Variants in RYR3 observed in about 807,000 individuals in gnomAD.
The protein encoded by RYR3 is brain ryanodine receptor-calcium release channel.
In RYR3, 207 loss-of-function variants were observed where a neutral mutation model predicts 584.3. The ratio of observed to expected loss-of-function variants is 0.35; its 90% CI spans 0.32 to 0.40. The LOEUF (loss-of-function observed/expected upper bound fraction) is 0.40, where lower values mean the gene tolerates loss of function less well. Ranked by LOEUF, RYR3 falls within the 10% of genes least tolerant of loss-of-function variation. The pLI is 1.00. For missense variants in RYR3, 5,616 were observed against 6,089.2 expected (o/e 0.92, Z 2.59); for synonymous variants, 2,416 against 2,248.5 (o/e 1.07, Z -2.11).
At position 33,508,995 on chromosome 15, in the gene RYR3, A is replaced by G. The variant is rs1489202510; in HGVS notation, c.279+5257A>G. Among the ~76,000 whole-genome samples the G allele has an allele frequency of 3.3e-5, 5 of 152,174 alleles. No homozygotes were observed. The East Asian group carries it at 9.6e-4, about 29-fold the overall frequency. ...GGCCAGTGAAGCGTAAACATACATT[A>G]TGCTATATCCGTGTAAAGGTCCTTA... On this transcript the variant is annotated intron_variant, in intron 3 of 103. Coordinates refer to ENST00000634891, the MANE Select transcript of RYR3 (RefSeq NM_001036.6).
intron 1 of RYR3, among the ~76,000 whole-genome samples, chr15:33,347,268 A>G (rs1039307267): frequency 6.6e-6 from 1 of 152,134 alleles, no homozygotes; most frequent in African/African-American, 2.4e-5. Context: ...ATCCGCATAA[A>G]TGATTTGGAA....
At chr15:33,512,587 G>T (rs1283425686) in intron 3 of RYR3, among the ~76,000 whole-genome samples, 1 of 152,186 alleles carries the variant, frequency 6.6e-6, no homozygotes, top group Non-Finnish European at 1.5e-5. Flanking sequence ...ATGCCTGTCT[G>T]ATCCTGGCGG....
chr15:33,447,011 C>G (rs2141934851), intron 1 of RYR3, among the ~76,000 whole-genome samples: 1 of 152,320 alleles, frequency 6.6e-6, no homozygotes, highest in East Asian at 1.9e-4. Context: ...TGCGTCTCAC[C>G]CTGCACCACA....
intron 62 of RYR3, among the ~76,000 whole-genome samples, chr15:33,769,388 A>G (rs908720705): frequency 6.6e-6 from 1 of 152,254 alleles, no homozygotes; most frequent in African/African-American, 2.4e-5. Context: ...AGGCCTGATC[A>G]ATTCTTATCT....
At chr15:33,448,755 C>T (rs927597351) in intron 1 of RYR3, among the ~76,000 whole-genome samples, 11 of 152,126 alleles carry the variant, frequency 7.2e-5, no homozygotes, top group South Asian at 2.1e-4. Context: ...TTTTGGGAAG[C>T]GGATTCTGGC....
At chr15:33,497,185 C>G (rs2051515413) in intron 2 of RYR3, among the ~76,000 whole-genome samples, 1 of 152,172 alleles carries the variant, frequency 6.6e-6, no homozygotes, top group Non-Finnish European at 1.5e-5. Flanking sequence ...CTGACATCTG[C>G]AGAGATACCC....
At chr15:33,653,289 C>T (rs994460509) in intron 32 of RYR3, among the ~76,000 whole-genome samples, 3 of 152,084 alleles carry the variant, frequency 2.0e-5, no homozygotes, top group Admixed American at 1.3e-4. Flanking sequence ...AAAATAGAAA[C>T]CTATAAAAAG....
chr15:33,557,041 C>T (rs2057113698), intron 10 of RYR3, among the ~76,000 whole-genome samples: 1 of 152,196 alleles, frequency 6.6e-6, no homozygotes. Context: ...CATTAGTTAA[C>T]TGTGCTACTG....
chr15:33,626,839 G>A (rs2061014788), intron 20 of RYR3, among the ~76,000 whole-genome samples: 1 of 152,138 alleles, frequency 6.6e-6, no homozygotes, highest in South Asian at 2.1e-4. Context: ...CAAGAATTGA[G>A]GTTTGGGAAC....
At chr15:33,650,952 A>G (rs1319722500) in intron 31 of RYR3, among the ~76,000 whole-genome samples, 2 of 152,250 alleles carry the variant, frequency 1.3e-5, no homozygotes, top group Non-Finnish European at 2.9e-5. Flanking sequence ...AAAGTATTCT[A>G]AAGTAATTGA....
chr15:33,822,925 C>T, intron 80 of RYR3, 71 bp from the exon 81 acceptor site: 2 of 1,251,344 alleles, frequency 1.6e-6, no homozygotes, highest in South Asian at 1.4e-5. Context: ...ATTTCTCCAT[C>T]AGGATTAGGA....
intron 19 of RYR3, among the ~76,000 whole-genome samples, chr15:33,617,110 A>G (rs1212348082): frequency 1.3e-5 from 2 of 152,178 alleles, no homozygotes; most frequent in African/African-American, 2.4e-5. Flanking sequence ...TAATTAAAGT[A>G]TCTTATTGAA....
At chr15:33,596,372 T>G (rs538603930) in intron 16 of RYR3, among the ~76,000 whole-genome samples, 7 of 152,252 alleles carry the variant, frequency 4.6e-5, no homozygotes, top group South Asian at 2.1e-4. Context: ...TTGTTTTGTT[T>G]ACCTAGATTA....
chr15:33,600,720 C>T (rs1219940868), intron 16 of RYR3, among the ~76,000 whole-genome samples: 1 of 151,984 alleles, frequency 6.6e-6, no homozygotes, highest in Non-Finnish European at 1.5e-5. Context: ...TAAAGGGTAT[C>T]TTCATGAGTT....
At chr15:33,758,919 C>T (rs904026793) in intron 60 of RYR3, among the ~76,000 whole-genome samples, 15 of 152,288 alleles carry the variant, frequency 9.8e-5, no homozygotes, top group African/African-American at 3.6e-4. Flanking sequence ...GTCAGGTTCC[C>T]CTCTGAGACA....
At chr15:33,576,796 G>T (rs1421267197) in intron 12 of RYR3, among the ~76,000 whole-genome samples, 2 of 152,090 alleles carry the variant, frequency 1.3e-5, no homozygotes, top group Non-Finnish European at 2.9e-5. Flanking sequence ...GAAATAAAGG[G>T]TATTCACACA....
intron 65 of RYR3, among the ~76,000 whole-genome samples, chr15:33,785,236 A>T (rs976562291): frequency 1.7e-4 from 26 of 152,178 alleles, no homozygotes; most frequent in African/African-American, 6.0e-4. Context: ...TGATCCAGGC[A>T]ATGGCACCAC....
At chr15:33,802,416 T>G (rs2075967563) in intron 69 of RYR3, among the ~76,000 whole-genome samples, 1 of 152,240 alleles carries the variant, frequency 6.6e-6, no homozygotes, top group South Asian at 2.1e-4. Flanking sequence ...ATACCTGTTT[T>G]ATTTCAGCTG....
At chr15:33,398,239 A>G (rs1042755202) in intron 1 of RYR3, among the ~76,000 whole-genome samples, 4 of 152,224 alleles carry the variant, frequency 2.6e-5, no homozygotes, top group South Asian at 4.1e-4. Context: ...TGTAAGGTCA[A>G]TGGTCAAAGC....
Sources: gnomAD v4.1 joint callset for allele counts (sites outside exome capture counted in the v4.1 genomes callset) on GRCh38, gnomAD v4.1.1 for gene constraint, MANE v1.5 for transcripts, NCBI Gene and HGNC (gene_info 2026-07-23, HGNC 2026-07-21) for gene names.